Variants in PLCB1 observed in about 807,000 individuals in gnomAD.
PLCB1 encodes the protein 1-phosphatidylinositol 4,5-bisphosphate phosphodiesterase beta-1.
A neutral mutation model predicts 161.8 loss-of-function variants in PLCB1; 46 were observed. That is an observed-to-expected ratio of 0.28 (90% confidence interval 0.22 to 0.36). The LOEUF (loss-of-function observed/expected upper bound fraction) is 0.36, where lower values mean the gene tolerates loss of function less well. Among genes scored for constraint, PLCB1 ranks in the 10% least tolerant of loss-of-function variants. The pLI is 1.00. For synonymous variants in PLCB1, 517 were observed against 503.7 expected (o/e 1.03, Z -0.35); for missense variants, 1,016 against 1,472.5 (o/e 0.69, Z 5.07).
chr20:8,267,595 T>G (rs892729708), intron 2 of PLCB1, among the ~76,000 whole-genome samples: 1 of 152,182 alleles, frequency 6.6e-6, no homozygotes, highest in African/African-American at 2.4e-5. Flanking sequence ...TTTAGAAAAC[T>G]CAACCTGAAA....
intron 31 of PLCB1, among the ~76,000 whole-genome samples, chr20:8,849,689 TAAATTAA>T (rs1272478207): frequency 5.1e-5 from 7 of 136,942 alleles, no homozygotes; most frequent in Non-Finnish European, 1.1e-4. Flanking sequence ...AAAATAAAAT[TAAATTAA>T]AAATTAAAAG....
intron 2 of PLCB1, among the ~76,000 whole-genome samples, chr20:8,239,023 A>G (rs1468525232): frequency 6.6e-6 from 1 of 151,954 alleles, no homozygotes; most frequent in East Asian, 1.9e-4. Context: ...GAAGCAGGAG[A>G]GAGGGGAACA....
intron 31 of PLCB1, among the ~76,000 whole-genome samples, chr20:8,837,472 C>T (rs931681190): frequency 6.6e-6 from 1 of 152,150 alleles, no homozygotes; most frequent in African/African-American, 2.4e-5. Context: ...AAGCAGACAG[C>T]ATGCATTTAA....
At chr20:8,254,668 T>C (rs1981321765) in intron 2 of PLCB1, among the ~76,000 whole-genome samples, 1 of 152,078 alleles carries the variant, frequency 6.6e-6, no homozygotes, top group Non-Finnish European at 1.5e-5. Context: ...CTGATATGGT[T>C]GACTTATTAG....
chr20:8,546,832 GT>G (rs1012297635), intron 3 of PLCB1, among the ~76,000 whole-genome samples: 78 of 151,466 alleles, frequency 5.1e-4, no homozygotes, highest in African/African-American at 1.5e-3. Context: ...TCCAAAAAGA[GT>G]TTTTTTTAAT....
At chr20:8,189,263 G>A (rs2051939767) in intron 2 of PLCB1, among the ~76,000 whole-genome samples, 2 of 151,028 alleles carry the variant, frequency 1.3e-5, no homozygotes, top group East Asian at 3.9e-4. Flanking sequence ...GGAGAGTTGG[G>A]GGATGGGTAA....
intron 2 of PLCB1, among the ~76,000 whole-genome samples, chr20:8,323,751 G>GCAGA (rs2122168357): frequency 6.6e-6 from 1 of 152,010 alleles, no homozygotes; most frequent in African/African-American, 2.4e-5. Context: ...CAAGGAATTT[G>GCAGA]CAGACTTTTT....
At chr20:8,772,542 G>A (rs1243948574) in intron 26 of PLCB1, among the ~76,000 whole-genome samples, 8 of 152,174 alleles carry the variant, frequency 5.3e-5, no homozygotes, top group Admixed American at 5.2e-4. Flanking sequence ...CCCGGCATAT[G>A]GGGGGATGGT....
chr20:8,673,870 C>A (rs547914385), intron 9 of PLCB1, among the ~76,000 whole-genome samples: 51 of 152,242 alleles, frequency 3.3e-4, no homozygotes, highest in Admixed American at 2.9e-3. Context: ...ACTAGAGAAA[C>A]ACTGCCTGTC....
chr20:8,444,942 A>G (rs930168580), intron 3 of PLCB1, among the ~76,000 whole-genome samples: 1 of 151,538 alleles, frequency 6.6e-6, no homozygotes, highest in Non-Finnish European at 1.5e-5. Context: ...GATTCTGGAT[A>G]TTAGCCCTTT....
At chr20:8,853,894 C>A (rs1218460723) in intron 31 of PLCB1, among the ~76,000 whole-genome samples, 1 of 152,204 alleles carries the variant, frequency 6.6e-6, no homozygotes. Context: ...GCTGTTCTCC[C>A]AAGCTCTAAC....
intron 4 of PLCB1, among the ~76,000 whole-genome samples, chr20:8,641,873 G>T (rs1293372494): frequency 1.3e-5 from 2 of 152,140 alleles, no homozygotes; most frequent in African/African-American, 4.8e-5. Flanking sequence ...AATTCCTGAT[G>T]ATCATGTATT....
intron 3 of PLCB1, among the ~76,000 whole-genome samples, chr20:8,496,468 C>T (rs941925283): frequency 2.6e-5 from 4 of 152,216 alleles, no homozygotes; most frequent in South Asian, 2.1e-4. Context: ...CGCGCCACTG[C>T]GCCCCAGAGA....
At chr20:8,308,796 A>G (rs1984254543) in intron 2 of PLCB1, among the ~76,000 whole-genome samples, 1 of 152,002 alleles carries the variant, frequency 6.6e-6, no homozygotes, top group Non-Finnish European at 1.5e-5. Context: ...CTTTTTGGTC[A>G]TAACTCTTAA....
At chr20:8,148,424 C>T (rs777745300) in intron 1 of PLCB1, among the ~76,000 whole-genome samples, 64 of 152,228 alleles carry the variant, frequency 4.2e-4, no homozygotes, top group Non-Finnish European at 6.9e-4. Context: ...TGCAACAGCA[C>T]GGTCCTTGTA....
At position 8,649,355 on chromosome 20, in the gene PLCB1, T is replaced by C. The variant is rs754810660; in HGVS notation, c.519-19T>C. On this transcript the variant is annotated intron_variant, in intron 6 of 31. Transcript: ENST00000338037. ...ATGTGCCATTTAAACCTCTCTCCTTTGTTGTGTTCACTTCACAGCATATAT... is the reference window on the plus strand; with the variant it reads ...ATGTGCCATTTAAACCTCTCTCCTTCGTTGTGTTCACTTCACAGCATATAT... 3.8e-6 allele frequency: 6 copies of C among 1,598,194 alleles called. No homozygotes were observed. Among genetic ancestry groups the C allele is most frequent in the Non-Finnish European group, 4.3e-6 (5 of 1,165,608 alleles).
intron 3 of PLCB1, among the ~76,000 whole-genome samples, chr20:8,520,344 G>T (rs1352777169): frequency 6.6e-6 from 1 of 152,048 alleles, no homozygotes; most frequent in Non-Finnish European, 1.5e-5. Flanking sequence ...TGTAATAGGT[G>T]GTGGGACAAA....
In PLCB1 at chr20:8,646,181, C is replaced by G. The variant is rs148738915; in HGVS notation, c.464C>G (p.Ala155Gly). 2 of 1,604,374 alleles carry G rather than the reference C, an allele frequency of 1.2e-6. No individual in the cohort carries two copies. Among genetic ancestry groups the G allele is most frequent in the Non-Finnish European group, 1.7e-6 (2 of 1,171,276 alleles). Residue 155 changes from alanine (A) to glycine (G), a missense_variant and splice_region_variant, in exon 5 of 32, where the codon GCC becomes GGC. By Grantham distance (60) the Ala-to-Gly change is moderately conservative (BLOSUM62 0). This residue lies in a region of PLCB1 where 181 missense variants were observed against 236.7 expected (regional missense o/e 0.76). Transcript: ENST00000338037. Reference sequence around the variant, plus strand: ...TCCAGGGATGCATTTCTGGAAAAAGCGTAAGTCACTCTAATTTTATTGCTA... The same window carrying G: ...TCCAGGGATGCATTTCTGGAAAAAGGGTAAGTCACTCTAATTTTATTGCTA... The part of the protein sequence containing the change: ...NMSRDAFLEK[A>G]YTKLKLQVTP...
At chr20:8,865,803 C>T (rs1987408901) in intron 31 of PLCB1, among the ~76,000 whole-genome samples, 1 of 152,172 alleles carries the variant, frequency 6.6e-6, no homozygotes, top group Non-Finnish European at 1.5e-5. Context: ...GTAGGGAGGA[C>T]TTGTAAACAT....
Sources: gnomAD v4.1 joint callset for allele counts (sites outside exome capture counted in the v4.1 genomes callset) on GRCh38, gnomAD v4.1.1 for gene constraint, gnomAD v4.1.1 regional missense constraint, MANE v1.5 for transcripts, NCBI Gene and HGNC (gene_info 2026-07-23, HGNC 2026-07-21) for gene names.